DPPA3: variants seen among roughly 807,000 people sequenced by gnomAD.
DPPA3 encodes the protein developmental pluripotency-associated protein 3.
A neutral mutation model predicts 15.6 loss-of-function variants in DPPA3; 9 were observed. That is an observed-to-expected ratio of 0.58 (90% CI 0.35 to 1.01). The LOEUF is 1.01. Among genes scored for constraint, DPPA3 ranks in the 50% least tolerant of loss-of-function variants. The pLI, the probability that DPPA3 is intolerant of heterozygous loss-of-function variation, is 0.02. For missense variants in DPPA3, 148 were observed against 194.6 expected, an observed-to-expected ratio of 0.76 and a Z score of 1.42; for synonymous variants, 61 against 70.9, an observed-to-expected ratio of 0.86 and a Z score of 0.70.
chr12:7,713,904 T>A lies in DPPA3; in HGVS notation c.83-1279T>A, dbSNP rs143363160. Among the ~76,000 whole-genome samples the A allele has an allele frequency of 3.7e-3, 563 of 152,322 alleles. 5 individuals are homozygous for A. In the Middle Eastern group the frequency reaches 0.041, roughly 11 times the overall value. On this transcript the variant is annotated intron_variant, in intron 1 of 3. Coordinates refer to ENST00000345088, the MANE Select transcript of DPPA3 (RefSeq NM_199286.4). ...GGGACACGCTTGTAGCGCCAGCTAC[T>A]CTGGACGCTGAGGTGGGAGGATCCC...
chr12:7,715,187 C>T lies in DPPA3; in HGVS notation c.87C>T (p.Ala29=), dbSNP rs1592081604. 13 of 1,613,374 alleles carry T rather than the reference C, an allele frequency of 8.1e-6. No individual in the cohort carries two copies. Among genetic ancestry groups the T allele is most frequent in the East Asian group, 2.2e-5 (1 of 44,856 alleles). The part of the protein sequence containing the change: ...TEENSRDDSG[A]SQISSETLIK... ...GCTTTTAACCTTCTCTTTCAGGGGC[C>T]TCTCAAATCTCCTCCGAGACGTTGA... Residue 29 remains alanine (A), a synonymous_variant, in exon 2 of 4, where the codon GCC becomes GCT. Transcript: ENST00000345088.
chr12:7,715,162 G>A (rs1864383700), intron 1 of DPPA3, 21 bp from the exon 2 acceptor site: 2 of 1,612,688 alleles, frequency 1.2e-6, no homozygotes, highest in Admixed American at 1.7e-5. Flanking sequence ...TAATGTAATG[G>A]CTTTTAACCT....
intron 2 of DPPA3, among the ~76,000 whole-genome samples, 171 bp downstream of exon 2, chr12:7,715,598 C>T (rs1017047348): frequency 3.3e-5 from 5 of 151,914 alleles, no homozygotes; most frequent in African/African-American, 1.2e-4. Context: ...GAGTTCGAAA[C>T]CAGCCTGGCC....
Position 7,715,155 on chromosome 12 carries a change from T to C in DPPA3, c.83-28T>C, listed in dbSNP as rs773707082. Reference sequence around the variant, plus strand: ...GTGTGAATGTTGAAGATCCCCTTAATGTAATGGCTTTTAACCTTCTCTTTC... The same window carrying C: ...GTGTGAATGTTGAAGATCCCCTTAACGTAATGGCTTTTAACCTTCTCTTTC... On this transcript the variant is annotated intron_variant, in intron 1 of 3. Transcript: ENST00000345088. 4 of 1,612,466 alleles carry C rather than the reference T, an allele frequency of 2.5e-6. No homozygotes were observed. In the East Asian group the frequency reaches 6.7e-5, roughly 27 times the overall value.
chr12:7,711,568 C>A lies in DPPA3; in HGVS notation c.-3C>A, dbSNP rs1864343140. ...AGAAGCCTAGTGTTGTGTCAAGACG[C>A]CGATGGACCCATCACAGTTTAATCC... On this transcript the variant is annotated 5_prime_UTR_variant, in exon 1 of 4. Transcript: ENST00000345088. The A allele has an allele frequency of 6.2e-7, 1 of 1,613,382 alleles. No homozygotes were observed. The highest frequency in any genetic ancestry group is 8.5e-7 in the Non-Finnish European group (1 of 1,179,760).
chr12:7,715,134 G>C, intron 1 of DPPA3, 49 bp from the exon 2 acceptor site: 1 of 1,611,166 alleles, frequency 6.2e-7, no homozygotes, highest in Non-Finnish European at 8.5e-7. Flanking sequence ...GTTGATGTGT[G>C]AATGTTGAAG....
Position 7,711,692 on chromosome 12 carries a change from G to C in DPPA3, c.82+40G>C, listed in dbSNP as rs200760170. ...GCCCTTCTTGACTATCTGACTATAG[G>C]GGGGTTGGGAGGTCAAAAGGCTGCC... On this transcript the variant is annotated intron_variant, in intron 1 of 3. Coordinates refer to ENST00000345088, the MANE Select transcript of DPPA3 (RefSeq NM_199286.4). The C allele has an allele frequency of 4.4e-5, 61 of 1,396,138 alleles. No homozygotes were observed. In the African/African-American group the frequency reaches 6.5e-4, roughly 15 times the overall value. The allele number at this position is 1,396,138 out of a possible 1,614,324, so 86.5% of individuals were successfully genotyped here. A position where few individuals can be genotyped will look rare whatever the true frequency, so the allele number is the denominator to read the frequency against.
rs757347176 is a variant in DPPA3, at chr12:7,715,553, C to T, written c.327+126C>T. On this transcript the variant is annotated intron_variant, in intron 2 of 3. Transcript: ENST00000345088. The stretch of plus-strand genomic sequence containing the variant: ...GCTGAGGCCTGTAATCTGAGCACTT[C>T]GGGAGGCTGAGGCAGGTGGATCACC... The T allele has an allele frequency of 2.1e-5, 31 of 1,442,150 alleles. No homozygotes were observed. In the African/African-American group the frequency reaches 3.2e-4, roughly 15 times the overall value. 89.3% of individuals were successfully genotyped at this position (1,442,150 alleles called of 1,614,324 possible).
intron 1 of DPPA3, among the ~76,000 whole-genome samples, chr12:7,711,938 C>T (rs1405144570): frequency 2.1e-5 from 3 of 141,432 alleles, no homozygotes; most frequent in Non-Finnish European, 4.6e-5. Flanking sequence ...TTTTTTGAGA[C>T]GGAGTCTTGC....
intron 1 of DPPA3, among the ~76,000 whole-genome samples, chr12:7,714,723 A>G (rs1565454682): frequency 6.7e-6 from 1 of 149,276 alleles, no homozygotes; most frequent in South Asian, 2.1e-4. Flanking sequence ...TTATTTATTT[A>G]TTTTTTTGAG....
chr12:7,716,737 A>G (rs1483315425), intron 3 of DPPA3, among the ~76,000 whole-genome samples: 1 of 152,158 alleles, frequency 6.6e-6, no homozygotes, highest in Non-Finnish European at 1.5e-5. Context: ...TGTTTTATTG[A>G]CAGTCTGCAC....
chr12:7,713,518 A>G (rs969134451), intron 1 of DPPA3, among the ~76,000 whole-genome samples: 2 of 152,202 alleles, frequency 1.3e-5, no homozygotes, highest in Non-Finnish European at 2.9e-5. Context: ...AAACACACAT[A>G]CACGGGCAGT....
At chr12:7,715,547 G>A in intron 2 of DPPA3, 120 bp downstream of exon 2, 3 of 1,488,978 alleles carry the variant, frequency 2.0e-6, no homozygotes, top group South Asian at 2.5e-5. Flanking sequence ...TGTAATCTGA[G>A]CACTTCGGGA....
At chr12:7,715,653 T>C (rs1013066920) in intron 2 of DPPA3, among the ~76,000 whole-genome samples, 21 of 151,918 alleles carry the variant, frequency 1.4e-4, no homozygotes, top group African/African-American at 5.1e-4. Context: ...AAAAGTTAGC[T>C]GGGCCTGGTG....
Position 7,711,823 on chromosome 12 carries a change from G to A in DPPA3, c.82+171G>A, listed in dbSNP as rs779228160. 2.4e-4 allele frequency among the ~76,000 whole-genome samples: 36 copies of A among 147,170 alleles called. 1 individual carries two copies. The highest frequency in any genetic ancestry group is 4.2e-4 in the Non-Finnish European group (28 of 67,176). Reference sequence around the variant, plus strand: ...AACCAGAGGGAGTCAACACAGAGAGGTCAAAGACTTTATTAAAAGCGGTGA... The same window carrying A: ...AACCAGAGGGAGTCAACACAGAGAGATCAAAGACTTTATTAAAAGCGGTGA... On this transcript the variant is annotated intron_variant, in intron 1 of 3. Coordinates refer to ENST00000345088, the MANE Select transcript of DPPA3 (RefSeq NM_199286.4).
chr12:7,715,367 G>A lies in DPPA3; in HGVS notation c.267G>A (p.Leu89=), dbSNP rs761582573. The A allele has an allele frequency of 1.2e-6, 2 of 1,614,158 alleles. No individual in the cohort carries two copies. Among genetic ancestry groups the A allele is most frequent in the Admixed American group, 3.3e-5 (2 of 60,004 alleles). Residue 89 remains leucine, a synonymous_variant, in exon 2 of 4, where the codon CTG becomes CTA. Transcript: ENST00000345088. ...GCAGGAGAGGAGTAAGAACATTGCT[G>A]TCTGTGCAGAGAGAAAAGATGGCAA... The part of the protein sequence containing the change: ...LYSRRGVRTL[L]SVQREKMARL...
In DPPA3 at chr12:7,711,608, G is replaced by A; in HGVS notation, c.38G>A (p.Gly13Glu). 2 of 1,613,280 alleles carry A rather than the reference G, an allele frequency of 1.2e-6. No individual in the cohort carries two copies. Among genetic ancestry groups the A allele is most frequent in the Admixed American group, 3.3e-5 (2 of 59,924 alleles). The change falls in exon 1 of 4, where the codon GGG (glycine) becomes GAG (glutamate). Residue 13 changes from glycine to glutamate, a missense_variant. Physicochemically the swap from Gly to Glu is moderately conservative, Grantham distance 98. Coordinates refer to ENST00000345088, the MANE Select transcript of DPPA3 (RefSeq NM_199286.4). ...CAGTTTAATCCAACCTACATCCCAG[G>A]GTCTCCACAAATGCTCACCGAAGAA... ...PSQFNPTYIP[G>E]SPQMLTEENS...
intron 3 of DPPA3, 99 bp from the exon 4 acceptor site, chr12:7,716,868 T>C (rs986768387): frequency 3.5e-6 from 4 of 1,158,846 alleles, no homozygotes; most frequent in African/African-American, 3.1e-5. Context: ...TGTTCCCTGT[T>C]CCAACACTTA....
In DPPA3 at chr12:7,716,180, TA is replaced by T. The variant is rs746244595; in HGVS notation, c.328-17del. 2.6e-5 allele frequency: 35 copies of T among 1,357,876 alleles called. No individual in the cohort carries two copies. In the South Asian group the frequency reaches 3.4e-4, roughly 13 times the overall value. The allele number at this position is 1,357,876 out of a possible 1,614,324, so 84.1% of individuals were successfully genotyped here. A position where few individuals can be genotyped will look rare whatever the true frequency, so the allele number is the denominator to read the frequency against. On this transcript the variant is annotated splice_polypyrimidine_tract_variant and intron_variant, in intron 2 of 3. Coordinates refer to ENST00000345088, the MANE Select transcript of DPPA3 (RefSeq NM_199286.4). ...TTTTCTTGATAGTTTTCAATAAACA[TA>T]TTTTTTTCCCATGAAGCATGAAAGA...
Sources: allele counts gnomAD v4.1 joint callset (sites outside exome capture counted in the v4.1 genomes callset), GRCh38; gene constraint gnomAD v4.1.1; transcripts MANE v1.5; gene names NCBI Gene and HGNC (gene_info 2026-07-23, HGNC 2026-07-21).